Variants in CTCFL observed in about 807,000 individuals in gnomAD.
CTCFL encodes CCCTC-binding factor like.
CTCFL carries 36 observed loss-of-function variants against 67.4 expected under a neutral mutation model. The observed-to-expected ratio is 0.53, with a 90% CI of 0.41 to 0.71. The LOEUF (loss-of-function observed/expected upper bound fraction) is 0.71, where lower values mean the gene tolerates loss of function less well. Among genes scored for constraint, CTCFL ranks in the 30% least tolerant of loss-of-function variants. CTCFL has a pLI of 0.00. For synonymous variants in CTCFL, 324 were observed against 302.3 expected, an observed-to-expected ratio of 1.07 and a Z score of -0.75; for missense variants, 786 against 835.2, an observed-to-expected ratio of 0.94 and a Z score of 0.73.
chr20:57,496,247 C>G, downstream of CTCFL: 1 of 665,046 alleles, frequency 1.5e-6, no homozygotes, highest in Non-Finnish European at 2.7e-6. Flanking sequence ...CTCGCTCCTG[C>G]TTTCACCATG....
intron 9 of CTCFL, chr20:57,507,631 G>A: frequency 1.4e-6 from 1 of 703,046 alleles, no homozygotes; most frequent in Non-Finnish European, 2.6e-6. Flanking sequence ...TGAGGCCGGT[G>A]CCAGCAGTTG....
intron 5 of CTCFL, chr20:57,518,469 G>A (rs1431092830): frequency 7.4e-7 from 1 of 1,353,006 alleles, no homozygotes; most frequent in Non-Finnish European, 9.7e-7. Flanking sequence ...TAGATAAAAT[G>A]CAGAACTTTT....
In CTCFL at chr20:57,518,762, A is replaced by C; in HGVS notation, c.1055T>G (p.Val352Gly). Residue 352 changes from valine to glycine, a missense_variant, in exon 5 of 11, where the codon GTG (valine) becomes GGG (glycine). Transcript: ENST00000243914. ...CAAGTCCAAGAATGGCTTTACCTCCACACTGGCATACTTGCACATGGAACA... is the reference window on the plus strand; with the variant it reads ...CAAGTCCAAGAATGGCTTTACCTCCCCACTGGCATACTTGCACATGGAACA... ...FKCSMCKYAS[V>G]EASKLKRHVR... 2 of 1,614,144 alleles carry C rather than the reference A, an allele frequency of 1.2e-6. No individual in the cohort carries two copies. Among genetic ancestry groups the C allele is most frequent in the Non-Finnish European group, 1.7e-6 (2 of 1,180,034 alleles).
rs755002284 is a variant in CTCFL at position 57,503,653 on chromosome 20, C to G, written c.1675-52G>C. 76 of 1,583,780 alleles carry G rather than the reference C, an allele frequency of 4.8e-5. No individual in the cohort carries two copies. In the South Asian group the frequency reaches 7.9e-4, roughly 16 times the overall value. On this transcript the variant is annotated intron_variant, in intron 9 of 10. Transcript: ENST00000243914. ...CAAGGCGAGTGAGATGGGGCAGGGA[C>G]CCCTCTCAGGGGCCTGTGGGGACCC... is the stretch of plus-strand genomic sequence containing the variant.
At chr20:57,511,571 T>C (rs1427842971) in intron 8 of CTCFL, among the ~76,000 whole-genome samples, 1 of 151,374 alleles carries the variant, frequency 6.6e-6, no homozygotes, top group East Asian at 1.9e-4. Context: ...AAAGTTGCTT[T>C]AAAAAAATCA....
intron 9 of CTCFL, among the ~76,000 whole-genome samples, chr20:57,504,999 C>T (rs1481273251): frequency 6.6e-6 from 1 of 151,820 alleles, no homozygotes; most frequent in Non-Finnish European, 1.5e-5. Context: ...GATATCTGGT[C>T]TTACTGCACC....
chr20:57,515,969 G>T, intron 5 of CTCFL, 135 bp from the exon 6 acceptor site: 1 of 982,490 alleles, frequency 1.0e-6, no homozygotes, highest in Non-Finnish European at 1.5e-6. Context: ...TTCACTCACT[G>T]AAAAAACATG....
chr20:57,517,176 T>C (rs939964372), intron 5 of CTCFL, among the ~76,000 whole-genome samples: 1 of 151,822 alleles, frequency 6.6e-6, no homozygotes, highest in Non-Finnish European at 1.5e-5. Context: ...CTGTATAGCA[T>C]GAAAGTTTTG....
intron 1 of CTCFL, chr20:57,524,513 A>C: frequency 8.5e-7 from 1 of 1,181,820 alleles, no homozygotes; most frequent in Non-Finnish European, 1.1e-6. Flanking sequence ...GTTCCGCCTG[A>C]GCACACTCTG....
intron 9 of CTCFL, chr20:57,507,928 A>G (rs73176793): frequency 0.034 from 22,569 of 672,830 alleles, 505 homozygotes; most frequent in Non-Finnish European, 0.048. Context: ...CAACAGCACT[A>G]TTCTTTTTTT....
intron 9 of CTCFL, among the ~76,000 whole-genome samples, chr20:57,504,870 T>C (rs1418455332): frequency 2.0e-5 from 3 of 152,026 alleles, no homozygotes; most frequent in Non-Finnish European, 2.9e-5. Flanking sequence ...AAGCCCTTGC[T>C]GCAAGATATC....
intron 10 of CTCFL, among the ~76,000 whole-genome samples, chr20:57,500,667 T>C (rs2067866425): frequency 6.6e-6 from 1 of 152,158 alleles, no homozygotes. Flanking sequence ...CCATCAAAAA[T>C]ATGAAAAAAG....
chr20:57,497,007 ATTT>A (rs34176396), downstream of CTCFL, among the ~76,000 whole-genome samples: 63,606 of 138,684 alleles, frequency 0.46, 14,356 homozygotes, highest in African/African-American at 0.59. Flanking sequence ...TGCTATTTCC[ATTT>A]TTTTTTTTTT....
At chr20:57,513,351 T>C (rs2068687983) in intron 7 of CTCFL, 8 of 986,482 alleles carry the variant, frequency 8.1e-6, no homozygotes, top group Non-Finnish European at 9.6e-6. Flanking sequence ...TAAAGCATGA[T>C]GGTCTTGTGA....
intron 9 of CTCFL, among the ~76,000 whole-genome samples, chr20:57,506,170 T>G (rs1400884931): frequency 6.6e-6 from 1 of 152,194 alleles, no homozygotes; most frequent in Non-Finnish European, 1.5e-5. Flanking sequence ...CCACAGCTGC[T>G]TCCATGACAC....
At chr20:57,505,826 T>TAAG (rs1319234692) in intron 9 of CTCFL, among the ~76,000 whole-genome samples, 1 of 152,202 alleles carries the variant, frequency 6.6e-6, no homozygotes, top group Non-Finnish European at 1.5e-5. Flanking sequence ...AGGATAATCT[T>TAAG]AAGTCAGAAA....
intron 1 of CTCFL, 200 bp from the exon 2 acceptor site, chr20:57,524,416 T>G: frequency 7.1e-7 from 1 of 1,410,860 alleles, no homozygotes; most frequent in Non-Finnish European, 9.2e-7. Context: ...GGATTTAGGC[T>G]AAAGCAGGAT....
At chr20:57,523,370 C>G (rs1474523203) in intron 2 of CTCFL, 92 bp from the exon 3 acceptor site, 2 of 1,258,698 alleles carry the variant, frequency 1.6e-6, no homozygotes, top group Non-Finnish European at 1.1e-6. Context: ...AAAAGAAAAG[C>G]CAAAGTGGAA....
rs762318241 is a variant in CTCFL at position 57,523,964 on chromosome 20, G to A, written c.242C>T (p.Thr81Ile). ...PSEESEKYIL[T>I]LQTVHFTSEA... ...AGAAGTGAAGTGCACCGTCTGCAGG[G>A]TCAGGATGTACTTCTCGCTCTCCTC... Residue 81 changes from threonine (T) to isoleucine (I), a missense_variant, in exon 2 of 11, where the codon ACC becomes ATC. Physicochemically the swap from Thr to Ile is moderately conservative, Grantham distance 89 (BLOSUM62 -1). This residue lies in a region of CTCFL where 333 missense variants were observed against 304.6 expected (regional missense o/e 1.09). Coordinates refer to ENST00000243914, the MANE Select transcript of CTCFL (RefSeq NM_001386993.1). The A allele has an allele frequency of 3.7e-6, 6 of 1,613,012 alleles. No individual in the cohort carries two copies. Among genetic ancestry groups the A allele is most frequent in the Admixed American group, 3.3e-5 (2 of 60,002 alleles).
Sources: allele counts gnomAD v4.1 joint callset (sites outside exome capture counted in the v4.1 genomes callset), GRCh38; gene constraint gnomAD v4.1.1; regional missense constraint gnomAD v4.1.1; transcripts MANE v1.5; gene names NCBI Gene and HGNC (gene_info 2026-07-23, HGNC 2026-07-21).